Variants in CILK1 observed in about 807,000 individuals in gnomAD.
CILK1 encodes the protein serine/threonine-protein kinase ICK.
A neutral mutation model predicts 79.2 loss-of-function variants in CILK1; 47 were observed. The observed-to-expected ratio is 0.59, with a 90% CI of 0.47 to 0.76. The LOEUF (loss-of-function observed/expected upper bound fraction) is 0.76, where lower values mean the gene tolerates loss of function less well. Ranked by LOEUF, CILK1 falls within the 30% of genes least tolerant of loss-of-function variation. CILK1 has a pLI of 0.00. For synonymous variants in CILK1, 266 were observed against 275.9 expected (o/e 0.96, Z 0.36); for missense variants, 660 against 769.5 (o/e 0.86, Z 1.68).
intron 1 of CILK1, among the ~76,000 whole-genome samples, chr6:53,059,014 C>G (rs1033719727): frequency 1.3e-5 from 2 of 152,066 alleles, no homozygotes; most frequent in Non-Finnish European, 2.9e-5. Context: ...CCAGGAATAA[C>G]CTAAGCTCAA....
Position 53,019,278 on chromosome 6 carries a change from G to A in CILK1, c.440C>T (p.Ala147Val), listed in dbSNP as rs201092205. 3.1e-6 allele frequency: 5 copies of A among 1,613,794 alleles called. No homozygotes were observed. Among genetic ancestry groups the A allele is most frequent in the Non-Finnish European group, 4.2e-6 (5 of 1,179,884 alleles). ...TGGAGGTTTTGATCGTATTTCTCGG[G>A]CCAAACCAAAGTCTGCAATTTTCAC... ...ELVKIADFGL[A>V]REIRSKPPYT... The change falls in exon 6 of 14, where the codon GCC (alanine) becomes GTC (valine). Residue 147 changes from alanine (A) to valine (V), a missense_variant. Ala to Val is a moderately conservative substitution (Grantham distance 64, BLOSUM62 0). Coordinates refer to ENST00000676107, the MANE Select transcript of CILK1 (RefSeq NM_014920.5).
intron 13 of CILK1, among the ~76,000 whole-genome samples, 186 bp downstream of exon 13, chr6:53,006,129 T>C (rs140658012): frequency 6.6e-6 from 1 of 152,314 alleles, no homozygotes; most frequent in African/African-American, 2.4e-5. Flanking sequence ...TTTTTCTCCT[T>C]AGCACTAAGT....
At chr6:53,054,027 T>C (rs1435572390) in intron 1 of CILK1, among the ~76,000 whole-genome samples, 1 of 152,222 alleles carries the variant, frequency 6.6e-6, no homozygotes, top group Non-Finnish European at 1.5e-5. Context: ...TTCTGCTTTT[T>C]GCATCACATG....
chr6:53,005,072 T>G lies in CILK1; in HGVS notation c.*77A>C. ...TTGCTTTTATGCCCTCTGCACATCTTGCAGGTAGAACACCAGTCAGCTGAG... is the reference window on the plus strand; with the variant it reads ...TTGCTTTTATGCCCTCTGCACATCTGGCAGGTAGAACACCAGTCAGCTGAG... On this transcript the variant is annotated 3_prime_UTR_variant, in exon 14 of 14. Transcript: ENST00000676107. 6 of 1,519,460 alleles carry G rather than the reference T, an allele frequency of 3.9e-6. No individual in the cohort carries two copies. The highest frequency in any genetic ancestry group is 5.5e-6 in the Non-Finnish European group (6 of 1,097,682). The allele number at this position is 1,519,460 out of a possible 1,614,324, so 94.1% of individuals were successfully genotyped here. A position where few individuals can be genotyped will look rare whatever the true frequency, so the allele number is the denominator to read the frequency against.
chr6:53,017,392 G>C (rs1764954576), intron 7 of CILK1, among the ~76,000 whole-genome samples: 1 of 152,160 alleles, frequency 6.6e-6, no homozygotes, highest in Admixed American at 6.5e-5. Context: ...AGTGAGGAGG[G>C]GGATTACTGA....
In CILK1 at chr6:53,012,097, G is replaced by C. The variant is rs1247173974; in HGVS notation, c.1283C>G (p.Pro428Arg). The change falls in exon 10 of 14, where the codon CCA becomes CGA. Residue 428 changes from proline (P) to arginine (R), a missense_variant. Physicochemically the swap from Pro to Arg is moderately radical, Grantham distance 103. Transcript: ENST00000676107. ...TTTCAGGTCAATCCTGCTGAGGGAT[G>C]GACTGAAATCCAAGTCATCCAAGTC... ...WADLDDLDFS[P>R]SLSRIDLKNK... The C allele has an allele frequency of 6.2e-7, 1 of 1,614,164 alleles. No individual in the cohort carries two copies. Among genetic ancestry groups the C allele is most frequent in the South Asian group, 1.1e-5 (1 of 91,078 alleles).
chr6:53,031,135 C>A lies in CILK1; in HGVS notation c.288G>T (p.Leu96Phe). ...LYQLIKERNKLFPESAIRNIM... is the reference protein window; with the variant it reads ...LYQLIKERNKFFPESAIRNIM... ...TATTCCTTATAGCAGACTCAGGAAA[C>A]AACTTATTTCTGTATGAGGCAGAGG... The change falls in exon 5 of 14, where the codon TTG becomes TTT. Residue 96 changes from leucine to phenylalanine, a missense_variant. Physicochemically the swap from Leu to Phe is conservative, Grantham distance 22. Coordinates refer to ENST00000676107, the MANE Select transcript of CILK1 (RefSeq NM_014920.5). 2.5e-6 allele frequency: 4 copies of A among 1,602,434 alleles called. No individual in the cohort carries two copies. The highest frequency in any genetic ancestry group is 3.4e-6 in the Non-Finnish European group (4 of 1,169,824).
intron 6 of CILK1, 91 bp downstream of exon 6, chr6:53,019,136 G>T: frequency 8.0e-7 from 1 of 1,256,130 alleles, no homozygotes; most frequent in Non-Finnish European, 1.2e-6. Context: ...TTAGTGAAAA[G>T]TTAACATTTG....
At chr6:53,046,366 T>C (rs946409541) in intron 1 of CILK1, among the ~76,000 whole-genome samples, 2 of 152,230 alleles carry the variant, frequency 1.3e-5, no homozygotes, top group Admixed American at 1.3e-4. Flanking sequence ...GGATAATTAA[T>C]GTCCCTTCCT....
intron 11 of CILK1, among the ~76,000 whole-genome samples, chr6:53,011,352 C>T (rs144355819): frequency 0.015 from 2,275 of 152,230 alleles, 37 homozygotes; most frequent in East Asian, 0.061. Context: ...AATTCCAGCA[C>T]TTTGGGAGGC....
At chr6:53,054,069 G>A (rs1056194105) in intron 1 of CILK1, among the ~76,000 whole-genome samples, 1 of 152,100 alleles carries the variant, frequency 6.6e-6, no homozygotes, top group Non-Finnish European at 1.5e-5. Flanking sequence ...CAGTGCCACC[G>A]AAGGACCCTG....
rs1318255796 is a variant in CILK1 at position 53,003,728 on chromosome 6, A to T, written c.*1421T>A. The T allele has an allele frequency of 2.0e-5, 3 of 152,378 alleles. No individual in the cohort carries two copies. The highest frequency in any genetic ancestry group is 6.5e-5 in the Admixed American group (1 of 15,274). The allele number at this position is 152,378 out of a possible 1,614,324, so 9.4% of individuals were successfully genotyped here. The stretch of plus-strand genomic sequence containing the variant: ...CAGAGTGAGACTCTGTCTCAAAAAA[A>T]AAATAAAAAATAAAAGATTACTTAC... On this transcript the variant is annotated 3_prime_UTR_variant, in exon 14 of 14. Transcript: ENST00000676107.
chr6:53,061,094 GT>G (rs1344861820), intron 1 of CILK1: 1 of 152,220 alleles, frequency 6.6e-6, no homozygotes, highest in Non-Finnish European at 1.5e-5. Flanking sequence ...CTTAATGTTA[GT>G]GTCAAAGTCA....
At chr6:53,044,260 C>T (rs1359407811) in intron 1 of CILK1, among the ~76,000 whole-genome samples, 4 of 152,016 alleles carry the variant, frequency 2.6e-5, no homozygotes, top group Non-Finnish European at 5.9e-5. Context: ...AGATCAGCAG[C>T]GGCGGCATTA....
At chr6:53,021,989 G>A (rs1765274472) in intron 5 of CILK1, among the ~76,000 whole-genome samples, 2 of 152,038 alleles carry the variant, frequency 1.3e-5, no homozygotes, top group African/African-American at 4.8e-5. Flanking sequence ...CTAGGCTAAT[G>A]TGTGTATTTG....
chr6:53,025,859 G>C (rs986174080), intron 5 of CILK1, among the ~76,000 whole-genome samples: 1 of 152,182 alleles, frequency 6.6e-6, no homozygotes, highest in Admixed American at 6.5e-5. Flanking sequence ...ATACACATGA[G>C]ATCTATTCCT....
chr6:53,042,774 C>A (rs779144942), intron 1 of CILK1, among the ~76,000 whole-genome samples: 4 of 152,058 alleles, frequency 2.6e-5, no homozygotes, highest in Non-Finnish European at 4.4e-5. Context: ...AGCAGACATG[C>A]CAAATAAATG....
rs1764057718 is a variant in CILK1, at chr6:53,003,729, A to G, written c.*1420T>C. On this transcript the variant is annotated 3_prime_UTR_variant, in exon 14 of 14. Coordinates refer to ENST00000676107, the MANE Select transcript of CILK1 (RefSeq NM_014920.5). ...AGAGTGAGACTCTGTCTCAAAAAAA[A>G]AATAAAAAATAAAAGATTACTTACA... 6.6e-6 allele frequency: 1 copy of G among 152,490 alleles called. No individual in the cohort carries two copies. Among genetic ancestry groups the G allele is most frequent in the South Asian group, 2.1e-4 (1 of 4,826 alleles). The allele number at this position is 152,490 out of a possible 1,614,324, so 9.4% of individuals were successfully genotyped here.
Position 53,037,954 on chromosome 6 carries a change from G to T in CILK1, c.141C>A (p.Asn47Lys), listed in dbSNP as rs750861000. ...TAATATATACCTTAACCTCCCGAAG[G>T]TTCATGCATTCCTCCCAGGAATAAA... ...RKFYSWEECM[N>K]LREVKSLKKL... The change falls in exon 3 of 14, where the codon AAC (asparagine) becomes AAA (lysine). Residue 47 changes from asparagine to lysine, a missense_variant. Physicochemically the swap from Asn to Lys is moderately conservative, Grantham distance 94. Transcript: ENST00000676107. The T allele has an allele frequency of 3.8e-6, 6 of 1,587,424 alleles. No individual in the cohort carries two copies. The African/African-American group carries it at 8.1e-5, about 21-fold the overall frequency.
Sources: allele counts gnomAD v4.1 joint callset (sites outside exome capture counted in the v4.1 genomes callset), GRCh38; gene constraint gnomAD v4.1.1; transcripts MANE v1.5; gene names NCBI Gene and HGNC (gene_info 2026-07-23, HGNC 2026-07-21).